RCAN1: variants seen among roughly 807,000 people sequenced by gnomAD.
The protein encoded by RCAN1 is regulator of calcineurin 1.
A neutral mutation model predicts 22.9 loss-of-function variants in RCAN1; 11 were observed. The ratio of observed to expected loss-of-function variants is 0.48; its 90% CI spans 0.30 to 0.79. RCAN1 has a LOEUF of 0.79. RCAN1 is among the 30% of genes least tolerant of loss of function. The pLI is 0.06. For synonymous variants in RCAN1, 136 were observed against 142.3 expected (o/e 0.96, Z 0.32); for missense variants, 291 against 337.8 (o/e 0.86, Z 1.09).
intron 1 of RCAN1, among the ~76,000 whole-genome samples, chr21:34,571,331 A>C (rs542914536): frequency 5.3e-5 from 8 of 152,342 alleles, no homozygotes; most frequent in Non-Finnish European, 1.2e-4. Flanking sequence ...TAAATGTAAC[A>C]TGTTTAAATT....
At chr21:34,591,546 G>A (rs555821632) in intron 1 of RCAN1, among the ~76,000 whole-genome samples, 18 of 152,194 alleles carry the variant, frequency 1.2e-4, no homozygotes, top group Non-Finnish European at 2.2e-4. Context: ...CTTCTATCCT[G>A]TGGGACATGA....
Position 34,563,082 on chromosome 21 carries a change from C to T in RCAN1, c.253-39372G>A, listed in dbSNP as rs142300486. 7.2e-5 allele frequency among the ~76,000 whole-genome samples: 11 copies of T among 152,238 alleles called. No individual in the cohort carries two copies. In the East Asian group the frequency reaches 7.7e-4, roughly 11 times the overall value. ...TGCCATCAGTATTGATTGTGGTGTC[C>T]GCTGTTTTCAGGGTAAAGGAACATG... is the stretch of plus-strand genomic sequence containing the variant. On this transcript the variant is annotated intron_variant, in intron 1 of 3. Transcript: ENST00000313806.
At chr21:34,553,393 A>G (rs1986441958) in intron 1 of RCAN1, among the ~76,000 whole-genome samples, 1 of 152,220 alleles carries the variant, frequency 6.6e-6, no homozygotes, top group South Asian at 2.1e-4. Context: ...TCAGTATGCC[A>G]CATGATTTAT....
At chr21:34,606,162 A>G (rs2123732569) in intron 1 of RCAN1, among the ~76,000 whole-genome samples, 1 of 152,312 alleles carries the variant, frequency 6.6e-6, no homozygotes, top group East Asian at 1.9e-4. Flanking sequence ...AAGGGGCCCC[A>G]GATGGGAGAG....
chr21:34,534,522 C>T (rs1275695709), intron 1 of RCAN1, among the ~76,000 whole-genome samples: 3 of 152,118 alleles, frequency 2.0e-5, no homozygotes, highest in Non-Finnish European at 2.9e-5. Flanking sequence ...TCTGCAGCTC[C>T]CCAGAGATGT....
Position 34,549,068 on chromosome 21 carries a change from G to A in RCAN1, c.253-25358C>T, listed in dbSNP as rs532417365. 2.5e-3 allele frequency among the ~76,000 whole-genome samples: 387 copies of A among 152,276 alleles called. 3 individuals carry two copies. Among genetic ancestry groups the A allele is most frequent in the African/African-American group, 9.0e-3 (374 of 41,566 alleles). On this transcript the variant is annotated intron_variant, in intron 1 of 3. Coordinates refer to ENST00000313806, the MANE Select transcript of RCAN1 (RefSeq NM_004414.7). ...GCTAGGTGGTGTTCAATCATCTCAC[G>A]CCTGAAGCTCTTCATCAGTCTTCTG... is the stretch of plus-strand genomic sequence containing the variant.
chr21:34,582,038 A>G (rs1401342598), intron 1 of RCAN1, among the ~76,000 whole-genome samples: 1 of 152,150 alleles, frequency 6.6e-6, no homozygotes, highest in African/African-American at 2.4e-5. Context: ...GGCACGAGGT[A>G]GGGGAAGATG....
intron 1 of RCAN1, among the ~76,000 whole-genome samples, chr21:34,553,276 AC>A (rs1986435981): frequency 6.6e-6 from 1 of 152,184 alleles, no homozygotes; most frequent in Non-Finnish European, 1.5e-5. Context: ...GATAGTAGGG[AC>A]GAGCAAGCAA....
chr21:34,587,548 G>A (rs917571122), intron 1 of RCAN1, among the ~76,000 whole-genome samples: 10 of 152,046 alleles, frequency 6.6e-5, no homozygotes, highest in Admixed American at 2.0e-4. Flanking sequence ...GAAAATAATA[G>A]TAAAACAAAG....
chr21:34,600,673 A>T (rs1249577711), intron 1 of RCAN1, among the ~76,000 whole-genome samples: 1 of 152,198 alleles, frequency 6.6e-6, no homozygotes, highest in East Asian at 1.9e-4. Flanking sequence ...TTTATAGTTC[A>T]TGAGGCTTTC....
chr21:34,547,160 G>A (rs1427783419), intron 1 of RCAN1, among the ~76,000 whole-genome samples: 1 of 152,174 alleles, frequency 6.6e-6, no homozygotes, highest in African/African-American at 2.4e-5. Flanking sequence ...TTCAGCGAAG[G>A]GTTCGGGTTC....
At chr21:34,556,187 G>T (rs1385793749) in intron 1 of RCAN1, among the ~76,000 whole-genome samples, 1 of 150,598 alleles carries the variant, frequency 6.6e-6, no homozygotes, top group African/African-American at 2.4e-5. Flanking sequence ...ACTTTGGGAG[G>T]CTGAGGCGGG....
At chr21:34,580,105 A>G (rs1987551598) in intron 1 of RCAN1, among the ~76,000 whole-genome samples, 1 of 152,220 alleles carries the variant, frequency 6.6e-6, no homozygotes, top group African/African-American at 2.4e-5. Flanking sequence ...CAATGGTTCA[A>G]AATAAAAAAG....
intron 1 of RCAN1, among the ~76,000 whole-genome samples, chr21:34,541,835 G>A (rs995127981): frequency 6.6e-6 from 1 of 152,158 alleles, no homozygotes; most frequent in African/African-American, 2.4e-5. Context: ...TCGGGAGGCT[G>A]AGGCAGGAGA....
At chr21:34,557,213 G>A (rs573669210) in intron 1 of RCAN1, among the ~76,000 whole-genome samples, 3 of 152,140 alleles carry the variant, frequency 2.0e-5, no homozygotes, top group East Asian at 1.9e-4. Context: ...ACTCTGTTTC[G>A]AAAAATAAAA....
chr21:34,592,580 G>A (rs1988009885), intron 1 of RCAN1, among the ~76,000 whole-genome samples: 1 of 152,068 alleles, frequency 6.6e-6, no homozygotes, highest in Admixed American at 6.6e-5. Flanking sequence ...CTTCCCTGAG[G>A]CCCCCTTCCC....
At position 34,523,681 on chromosome 21, in the gene RCAN1, A is replaced by G; in HGVS notation, c.282T>C (p.Tyr94=). 1 of 1,613,850 alleles carries G rather than the reference A, an allele frequency of 6.2e-7. No homozygotes were observed. Among genetic ancestry groups the G allele is most frequent in the Non-Finnish European group, 8.5e-7 (1 of 1,179,970 alleles). The change falls in exon 2 of 4, where the codon TAT becomes TAC. Residue 94 remains tyrosine, a synonymous_variant. Transcript: ENST00000313806. ...RAKFESLFRT[Y]DKDITFQYFK... is the part of the protein sequence containing the mutation. ...AATACTGAAAGGTGATGTCCTTGTC[A>G]TACGTCCTAAAGAGGGACTCAAATT... is the stretch of plus-strand genomic sequence containing the variant.
intron 1 of RCAN1, chr21:34,525,171 T>C (rs1169510246): frequency 1.3e-6 from 2 of 1,550,574 alleles, no homozygotes; most frequent in South Asian, 2.4e-5. Context: ...TCAGGAATGT[T>C]CACTGCTAGC....
At chr21:34,601,593 C>A (rs553678566) in intron 1 of RCAN1, among the ~76,000 whole-genome samples, 3 of 151,998 alleles carry the variant, frequency 2.0e-5, no homozygotes, top group Non-Finnish European at 2.9e-5. Flanking sequence ...CCAAGGTGGG[C>A]GGATCACGAG....
Sources: allele counts gnomAD v4.1 joint callset (sites outside exome capture counted in the v4.1 genomes callset), GRCh38; gene constraint gnomAD v4.1.1; transcripts MANE v1.5; gene names NCBI Gene and HGNC (gene_info 2026-07-23, HGNC 2026-07-21).